Variants in VDAC2 observed in about 807,000 individuals in gnomAD.
VDAC2 encodes the protein non-selective voltage-gated ion channel VDAC2.
Under a neutral mutation model 36.6 loss-of-function variants are expected in VDAC2, and 6 were observed. The ratio of observed to expected loss-of-function variants is 0.16; its 90% CI spans 0.09 to 0.32. The LOEUF (loss-of-function observed/expected upper bound fraction) is 0.32. VDAC2 is among the 10% of genes least tolerant of loss of function. The pLI is 1.00. For missense variants in VDAC2, 247 were observed against 346.0 expected (o/e 0.71, Z 2.27); for synonymous variants, 109 against 123.8 (o/e 0.88, Z 0.79).
rs766931336 is a variant in VDAC2, at chr10:75,219,363, A to C, written c.356+7A>C. 5 of 1,589,620 alleles carry C rather than the reference A, an allele frequency of 3.1e-6. No individual in the cohort carries two copies. Among genetic ancestry groups the C allele is most frequent in the Non-Finnish European group, 4.3e-6 (5 of 1,166,158 alleles). On this transcript the variant is annotated splice_region_variant and intron_variant, in intron 6 of 9. Coordinates refer to ENST00000332211, the MANE Select transcript of VDAC2 (RefSeq NM_001391963.1). ...CCTTCTCACCAAACACAGGGTAAGC[A>C]CAGACATTTTTATCTGTATTACATT... is the stretch of plus-strand genomic sequence containing the variant.
intron 6 of VDAC2, 60 bp downstream of exon 6, chr10:75,219,416 G>C: frequency 7.2e-7 from 1 of 1,388,140 alleles, no homozygotes; most frequent in Non-Finnish European, 1.0e-6. Context: ...TGTATATTTA[G>C]AAAAGGTGTA....
chr10:75,210,364 G>A (rs1044471175), upstream of VDAC2, among the ~76,000 whole-genome samples: 2 of 152,214 alleles, frequency 1.3e-5, no homozygotes, highest in African/African-American at 4.8e-5. Flanking sequence ...CTGACTCCCC[G>A]CAGGCACCCT....
In VDAC2 at chr10:75,214,104, CT is replaced by C. The variant is rs749860906; in HGVS notation, c.150+37del. On this transcript the variant is annotated intron_variant, in intron 4 of 9. Coordinates refer to ENST00000332211, the MANE Select transcript of VDAC2 (RefSeq NM_001391963.1). ...TACTGTTGAATAAGTTCTATTGAAC[CT>C]TTATAATTTTTCAACTTGTAAAATG... 11 of 1,600,618 alleles carry C rather than the reference CT, an allele frequency of 6.9e-6. No individual in the cohort carries two copies. The African/African-American group carries it at 1.5e-4, about 21-fold the overall frequency.
chr10:75,212,045 A>G (rs547462541), intron 2 of VDAC2, among the ~76,000 whole-genome samples, 185 bp from the exon 3 acceptor site: 3 of 152,380 alleles, frequency 2.0e-5, no homozygotes, highest in East Asian at 3.9e-4. Flanking sequence ...TGTTTTAGAA[A>G]TAATTCGTTG....
At chr10:75,229,456 T>G (rs977431183) in intron 8 of VDAC2, 188 bp from the exon 9 acceptor site, 1 of 481,856 alleles carries the variant, frequency 2.1e-6, no homozygotes. Context: ...TACTGAGAAT[T>G]TGATTTTTGA....
chr10:75,223,769 G>A (rs957883664), intron 8 of VDAC2, among the ~76,000 whole-genome samples: 5 of 152,152 alleles, frequency 3.3e-5, no homozygotes, highest in African/African-American at 4.8e-5. Flanking sequence ...TGATTAGAGG[G>A]GGTGGGGAGA....
At chr10:75,211,721 C>T in intron 2 of VDAC2, 1 of 1,528,572 alleles carries the variant, frequency 6.5e-7, no homozygotes, top group South Asian at 1.2e-5. Flanking sequence ...ACACACATGG[C>T]AGTATTTTTT....
At chr10:75,230,741 C>G (rs1217755568) in intron 9 of VDAC2, among the ~76,000 whole-genome samples, 157 bp from the exon 10 acceptor site, 1 of 152,240 alleles carries the variant, frequency 6.6e-6, no homozygotes, top group Non-Finnish European at 1.5e-5. Flanking sequence ...GTCTCAGATA[C>G]TTCCAAGCGC....
At chr10:75,211,294 C>T (rs1841411271) in intron 2 of VDAC2, 105 bp downstream of exon 2, 3 of 1,506,002 alleles carry the variant, frequency 2.0e-6, no homozygotes, top group East Asian at 2.4e-5. Context: ...CTTGGAAATT[C>T]GGCTGCTTTT....
intron 4 of VDAC2, among the ~76,000 whole-genome samples, chr10:75,216,351 T>C (rs1225278166): frequency 6.6e-6 from 1 of 152,174 alleles, no homozygotes; most frequent in African/African-American, 2.4e-5. Flanking sequence ...CAAATCTTTG[T>C]TGGAAAGGAA....
At chr10:75,215,746 C>T (rs1184431756) in intron 4 of VDAC2, among the ~76,000 whole-genome samples, 1 of 139,212 alleles carries the variant, frequency 7.2e-6, no homozygotes, top group Non-Finnish European at 1.6e-5. Context: ...CTCTGAGACG[C>T]AGTCTTGCTC....
rs1283223233 is a variant in VDAC2, at chr10:75,231,200, C to G, written c.*211C>G. 2.1e-6 allele frequency: 1 copy of G among 472,846 alleles called. No homozygotes were observed. The highest frequency in any genetic ancestry group is 3.9e-6 in the Non-Finnish European group (1 of 257,842). The allele number at this position is 472,846 out of a possible 1,614,324, so 29.3% of individuals were successfully genotyped here. On this transcript the variant is annotated 3_prime_UTR_variant, in exon 10 of 10. Transcript: ENST00000332211. ...TACCAATGCTGCAGTCCTGCAGTCA[C>G]CTATACATTATTTAAATGTATTTAA...
intron 3 of VDAC2, among the ~76,000 whole-genome samples, chr10:75,213,785 T>G (rs1841508847): frequency 6.6e-6 from 1 of 152,172 alleles, no homozygotes; most frequent in Non-Finnish European, 1.5e-5. Flanking sequence ...AAAGCATTCT[T>G]TTGTGTACCA....
intron 3 of VDAC2, 139 bp from the exon 4 acceptor site, chr10:75,213,882 T>G: frequency 1.3e-6 from 1 of 757,580 alleles, no homozygotes; most frequent in South Asian, 1.9e-5. Context: ...ACAATTTCAT[T>G]TAAATATTGT....
In VDAC2 at chr10:75,211,152, C is replaced by A. The variant is rs766631057; in HGVS notation, c.-7C>A. ...CCCGCAGATTCCCCTCTTCCCGCGG[C>A]CTCGCCATGGCGACCCACGGACAGA... is the stretch of plus-strand genomic sequence containing the variant. On this transcript the variant is annotated 5_prime_UTR_variant, in exon 2 of 10. Coordinates refer to ENST00000332211, the MANE Select transcript of VDAC2 (RefSeq NM_001391963.1). 6.2e-7 allele frequency: 1 copy of A among 1,612,004 alleles called. No individual in the cohort carries two copies. Among genetic ancestry groups the A allele is most frequent in the South Asian group, 1.1e-5 (1 of 90,686 alleles).
chr10:75,222,864 A>G (rs1298858087), intron 8 of VDAC2, among the ~76,000 whole-genome samples: 1 of 151,522 alleles, frequency 6.6e-6, no homozygotes, highest in African/African-American at 2.4e-5. Flanking sequence ...TGGGATCTCC[A>G]TATGTTGCCC....
At chr10:75,227,706 C>T (rs973473410) in intron 8 of VDAC2, among the ~76,000 whole-genome samples, 2 of 149,618 alleles carry the variant, frequency 1.3e-5, no homozygotes, top group South Asian at 2.1e-4. Flanking sequence ...CCTGCCTTAG[C>T]ACCCCGAGTA....
intron 3 of VDAC2, among the ~76,000 whole-genome samples, chr10:75,212,651 A>T (rs769664056): frequency 6.6e-6 from 1 of 152,148 alleles, no homozygotes; most frequent in African/African-American, 2.4e-5. Flanking sequence ...GGCCTCTCAA[A>T]GCCTGGTTGG....
intron 4 of VDAC2, among the ~76,000 whole-genome samples, chr10:75,218,445 C>T (rs1001374606): frequency 6.6e-6 from 1 of 152,092 alleles, no homozygotes; most frequent in Non-Finnish European, 1.5e-5. Context: ...CAAATAAAAT[C>T]ACCTTAGCAA....
Sources: allele counts gnomAD v4.1 joint callset (sites outside exome capture counted in the v4.1 genomes callset), GRCh38; gene constraint gnomAD v4.1.1; transcripts MANE v1.5; gene names NCBI Gene and HGNC (gene_info 2026-07-23, HGNC 2026-07-21).